Variants in CPT1A observed in about 807,000 individuals in gnomAD.
The protein encoded by CPT1A is carnitine palmitoyltransferase 1A.
CPT1A carries 64 observed loss-of-function variants against 100.8 expected under a neutral mutation model. The ratio of observed to expected loss-of-function variants is 0.63; its 90% confidence interval spans 0.52 to 0.78. CPT1A has a LOEUF of 0.78. Ranked by LOEUF, CPT1A falls within the 30% of genes least tolerant of loss-of-function variation. The pLI is 0.00. For missense variants in CPT1A, 802 were observed against 1,034.1 expected (o/e 0.78, Z 3.08); for synonymous variants, 363 against 396.0 (o/e 0.92, Z 0.99).
chr11:68,803,839 T>C (rs1202183329), intron 5 of CPT1A, among the ~76,000 whole-genome samples, 161 bp downstream of exon 5: 1 of 144,812 alleles, frequency 6.9e-6, no homozygotes, highest in Non-Finnish European at 1.5e-5. Flanking sequence ...CAGTGATGCA[T>C]TGGAGAAAAA....
intron 3 of CPT1A, among the ~76,000 whole-genome samples, chr11:68,810,064 G>A (rs1484337156): frequency 6.6e-6 from 1 of 152,190 alleles, no homozygotes; most frequent in Non-Finnish European, 1.5e-5. Flanking sequence ...TGCAGTCCCA[G>A]GTACTCAAGA....
chr11:68,811,244 G>C (rs914049351), intron 3 of CPT1A, among the ~76,000 whole-genome samples: 8 of 151,976 alleles, frequency 5.3e-5, no homozygotes, highest in Non-Finnish European at 4.4e-5. Flanking sequence ...TCAGGTGATC[G>C]ACCCACCTCG....
downstream of CPT1A, chr11:68,754,670 C>T (rs1946660428): frequency 1.5e-6 from 1 of 672,800 alleles, no homozygotes. Context: ...GCACTGTTCT[C>T]AGCATTGAGG....
intron 1 of CPT1A, among the ~76,000 whole-genome samples, chr11:68,839,338 G>T (rs1037217366): frequency 6.6e-6 from 1 of 152,194 alleles, no homozygotes; most frequent in Non-Finnish European, 1.5e-5. Flanking sequence ...CAGCAACTGC[G>T]GCTTCGCGCC....
At chr11:68,760,374 C>A in intron 16 of CPT1A, 36 bp from the exon 17 acceptor site, 1 of 1,526,132 alleles carries the variant, frequency 6.6e-7, no homozygotes. Flanking sequence ...TCCTAATCCC[C>A]TCCTCTACCG....
chr11:68,791,610 C>T (rs1317080343), intron 9 of CPT1A, among the ~76,000 whole-genome samples: 1 of 152,148 alleles, frequency 6.6e-6, no homozygotes, highest in Non-Finnish European at 1.5e-5. Context: ...AATCTCAGTT[C>T]ACTGCAACCT....
At chr11:68,762,066 G>A (rs1246136833) in intron 15 of CPT1A, among the ~76,000 whole-genome samples, 2 of 152,148 alleles carry the variant, frequency 1.3e-5, no homozygotes, top group Non-Finnish European at 2.9e-5. Flanking sequence ...GTCTGACCTC[G>A]GCCATTAGTG....
chr11:68,830,329 CGCCCACCTGGA>C, intron 1 of CPT1A, among the ~76,000 whole-genome samples: 2 of 152,186 alleles, frequency 1.3e-5, no homozygotes, highest in East Asian at 1.9e-4. Flanking sequence ...GGGTGGAGAT[CGCCCACCTGGA>C]GCCCACCTGC....
intron 1 of CPT1A, among the ~76,000 whole-genome samples, chr11:68,839,363 A>G (rs1389094084): frequency 6.6e-6 from 1 of 152,016 alleles, no homozygotes; most frequent in East Asian, 1.9e-4. Context: ...CCCTTCCCCC[A>G]AGCCCCGGGC....
intron 1 of CPT1A, among the ~76,000 whole-genome samples, chr11:68,831,475 A>T (rs1042540468): frequency 2.0e-5 from 3 of 152,242 alleles, no homozygotes; most frequent in Non-Finnish European, 2.9e-5. Flanking sequence ...TCTTTATAGC[A>T]ACTGAAATAT....
intron 1 of CPT1A, among the ~76,000 whole-genome samples, chr11:68,832,052 A>T (rs1856894728): frequency 6.6e-6 from 1 of 152,196 alleles, no homozygotes; most frequent in Non-Finnish European, 1.5e-5. Context: ...ACCCTAGGAA[A>T]TGGGTACTAG....
Position 68,841,432 on chromosome 11 carries a change from C to T in CPT1A, c.-14+343G>A, listed in dbSNP as rs567486681. Among the ~76,000 whole-genome samples, 3 of 150,376 alleles carry T rather than the reference C, an allele frequency of 2.0e-5. No individual in the cohort carries two copies. Among genetic ancestry groups the T allele is most frequent in the Admixed American group, 6.6e-5 (1 of 15,168 alleles). On this transcript the variant is annotated intron_variant, in intron 1 of 18. Coordinates refer to ENST00000265641, the MANE Select transcript of CPT1A (RefSeq NM_001876.4). This position sits in a 1 kb window ranked among gnomAD's most constrained non-coding sequence, Gnocchi z 6.3. ...ATTAAGGAGTGGGAGACAAGGGAGC[C>T]GGTGGCCCCGCTGGCCCCGGGCCGG...
chr11:68,817,033 G>C (rs1289765816), intron 1 of CPT1A, among the ~76,000 whole-genome samples: 1 of 33,306 alleles, frequency 3.0e-5, no homozygotes. Flanking sequence ...GTGTGTGGGT[G>C]TGTGGTGATG....
chr11:68,804,123 T>C, intron 4 of CPT1A, 22 bp from the exon 5 acceptor site: 1 of 1,571,606 alleles, frequency 6.4e-7, no homozygotes, highest in South Asian at 1.1e-5. Flanking sequence ...GAATTATATT[T>C]TCAGACTACT....
At chr11:68,773,759 C>T (rs1428533302) in intron 13 of CPT1A, 4 of 334,942 alleles carry the variant, frequency 1.2e-5, no homozygotes, top group South Asian at 2.6e-5. Flanking sequence ...AGGTCACAGC[C>T]GGTGCCAGGG....
chr11:68,796,878 A>C lies in CPT1A; in HGVS notation c.749T>G (p.Val250Gly). ...CACCATGGCATAATAGTTGCTGTTCACCATGAGCGGCCCTCGTCCTCGGAG... is the reference window on the plus strand; with the variant it reads ...CACCATGGCATAATAGTTGCTGTTCCCCATGAGCGGCCCTCGTCCTCGGAG... Reference protein sequence around the residue: ...IYLRGRGPLMVNSNYYAMDLL... With the variant: ...IYLRGRGPLMGNSNYYAMDLL... The change falls in exon 7 of 19, where the codon GTG becomes GGG. Residue 250 changes from valine (V) to glycine (G), a missense_variant. By Grantham distance (109) the Val-to-Gly change is moderately radical. Transcript: ENST00000265641. 1 of 1,614,106 alleles carries C rather than the reference A, an allele frequency of 6.2e-7. No homozygotes were observed. The highest frequency in any genetic ancestry group is 8.5e-7 in the Non-Finnish European group (1 of 1,179,994).
intron 2 of CPT1A, 91 bp from the exon 3 acceptor site, chr11:68,812,667 A>G (rs964359557): frequency 2.7e-6 from 4 of 1,484,508 alleles, no homozygotes; most frequent in Admixed American, 3.6e-5. Context: ...GGCTGCTGGG[A>G]CAGCAGGCAG....
intron 15 of CPT1A, 52 bp downstream of exon 15, chr11:68,762,575 T>C: frequency 1.2e-6 from 2 of 1,607,734 alleles, no homozygotes; most frequent in Non-Finnish European, 1.7e-6. Context: ...TCCAGAAGCC[T>C]TTTAGGGAAG....
At chr11:68,829,850 C>CAAAAAAAAAA (rs1402167731) in intron 1 of CPT1A, among the ~76,000 whole-genome samples, 174 of 152,332 alleles carry the variant, frequency 1.1e-3, no homozygotes, top group African/African-American at 4.0e-3. Context: ...AAAAACAACA[C>CAAAAAAAAAA]ATCGTCTGGC....
Sources: gnomAD v4.1 joint callset for allele counts (sites outside exome capture counted in the v4.1 genomes callset) on GRCh38, gnomAD v4.1.1 for gene constraint, Gnocchi (gnomAD v3.1) non-coding constraint, MANE v1.5 for transcripts, NCBI Gene and HGNC (gene_info 2026-07-23, HGNC 2026-07-21) for gene names.